The following EMC1 variants were observed in gnomAD, a reference collection of about 807,000 sequenced individuals.
EMC1 encodes the protein KIAA0090.
Under a neutral mutation model 128.8 loss-of-function variants are expected in EMC1, and 103 were observed. The observed-to-expected ratio is 0.80, with a 90% CI of 0.68 to 0.94. The LOEUF (loss-of-function observed/expected upper bound fraction) is 0.94, where lower values mean the gene tolerates loss of function less well. EMC1 is among the 40% of genes least tolerant of loss of function. The pLI is 0.00. For synonymous variants in EMC1, 442 were observed against 490.4 expected (o/e 0.90, Z 1.30); for missense variants, 1,083 against 1,250.6 (o/e 0.87, Z 2.02).
At chr1:19,227,189 G>C in intron 18 of EMC1, 124 bp downstream of exon 18, 1 of 1,060,420 alleles carries the variant, frequency 9.4e-7, no homozygotes, top group Non-Finnish European at 1.4e-6. Flanking sequence ...AAAAATTAAG[G>C]CTCAAAGGGA....
intron 8 of EMC1, 172 bp downstream of exon 8, chr1:19,239,646 A>C (rs947751576): frequency 6.2e-6 from 4 of 641,100 alleles, no homozygotes; most frequent in East Asian, 5.5e-5. Flanking sequence ...TCAGGAGGAA[A>C]TACACCATTT....
chr1:19,237,389 G>T (rs1282301109), intron 11 of EMC1, 151 bp from the exon 12 acceptor site: 8 of 680,886 alleles, frequency 1.2e-5, no homozygotes, highest in Non-Finnish European at 2.1e-5. Context: ...CTGGATGCCA[G>T]TAAGTGATAC....
intron 17 of EMC1, among the ~76,000 whole-genome samples, chr1:19,228,807 T>C (rs1571991414): frequency 6.6e-6 from 1 of 152,214 alleles, no homozygotes; most frequent in South Asian, 2.1e-4. Flanking sequence ...ATCCCAGCAC[T>C]TTCGGAGCCC....
intron 12 of EMC1, among the ~76,000 whole-genome samples, chr1:19,235,737 C>T (rs1372256890): frequency 2.6e-5 from 4 of 151,612 alleles, no homozygotes; most frequent in African/African-American, 9.7e-5. Flanking sequence ...AAATAAATAT[C>T]AAAAAATTAG....
intron 15 of EMC1, among the ~76,000 whole-genome samples, 169 bp from the exon 16 acceptor site, chr1:19,231,591 G>A (rs561692224): frequency 3.4e-4 from 51 of 152,070 alleles, no homozygotes; most frequent in Non-Finnish European, 6.8e-4. Flanking sequence ...CTAGGCTAAC[G>A]TCACAAAGAA....
intron 1 of EMC1, among the ~76,000 whole-genome samples, chr1:19,250,086 C>T (rs372239858): frequency 6.6e-5 from 10 of 151,490 alleles, no homozygotes; most frequent in East Asian, 5.8e-4. Flanking sequence ...GGTGTGGTGG[C>T]GCATGCCTGT....
At chr1:19,241,621 T>C (rs1047554195) in intron 5 of EMC1, among the ~76,000 whole-genome samples, 2 of 152,062 alleles carry the variant, frequency 1.3e-5, no homozygotes, top group African/African-American at 4.8e-5. Flanking sequence ...GCTCAGGTGA[T>C]CCTCCCACCT....
At chr1:19,238,976 C>T (rs2093586767) in intron 9 of EMC1, 119 bp from the exon 10 acceptor site, 2 of 808,634 alleles carry the variant, frequency 2.5e-6, no homozygotes, top group Admixed American at 4.1e-5. Flanking sequence ...CATTTCTCAC[C>T]CCTGCCCACA....
intron 15 of EMC1, 130 bp from the exon 16 acceptor site, chr1:19,231,552 TAAG>T: frequency 2.0e-6 from 2 of 977,266 alleles, no homozygotes; most frequent in Non-Finnish European, 3.0e-6. Flanking sequence ...TTGTGGAAAA[TAAG>T]TTCTTGGCTG....
At position 19,233,022 on chromosome 1, in the gene EMC1, T is replaced by C. The variant is rs369633672; in HGVS notation, c.1546A>G (p.Ile516Val). ...GTGTCAATGTTGATCTCATTCTTAA[T>C]CTGACTCCGGGGCTTCCGAGCATCA... ...FYDARKPRSQ[I>V]KNEINIDTLA... The change falls in exon 14 of 23, where the codon ATT becomes GTT. Residue 516 changes from isoleucine to valine, a missense_variant. Coordinates refer to ENST00000477853, the MANE Select transcript of EMC1 (RefSeq NM_015047.3). 6.2e-7 allele frequency: 1 copy of C among 1,614,086 alleles called. No individual in the cohort carries two copies. The highest frequency in any genetic ancestry group is 2.2e-5 in the East Asian group (1 of 44,898).
Position 19,240,371 on chromosome 1 carries a change from G to A in EMC1, c.712C>T (p.Pro238Ser), listed in dbSNP as rs755514370. 4 of 1,614,140 alleles carry A rather than the reference G, an allele frequency of 2.5e-6. No individual in the cohort carries two copies. The Admixed American group carries it at 6.7e-5, about 27-fold the overall frequency. ...GVVDEAVLVCPDPSSRSLQTL... is the reference protein window; with the variant it reads ...GVVDEAVLVCSDPSSRSLQTL... ...TGGAGGGAACGTGAGCTCGGGTCAG[G>A]ACACACCAGGACAGCCTCATCCACC... is the stretch of plus-strand genomic sequence containing the variant. Residue 238 changes from proline to serine, a missense_variant, in exon 7 of 23, where the codon CCT (proline) becomes TCT (serine). Physicochemically the swap from Pro to Ser is moderately conservative, Grantham distance 74. Transcript: ENST00000477853.
chr1:19,250,578 G>A (rs1362008590), intron 1 of EMC1, among the ~76,000 whole-genome samples: 2 of 152,142 alleles, frequency 1.3e-5, no homozygotes, highest in African/African-American at 4.8e-5. Context: ...TACTTCAGAG[G>A]AGGAGAAATC....
At position 19,241,159 on chromosome 1, in the gene EMC1, G is replaced by A. The variant is rs767781012; in HGVS notation, c.510-17C>T. On this transcript the variant is annotated splice_polypyrimidine_tract_variant and intron_variant, in intron 5 of 22. Transcript: ENST00000477853. ...ATGCTGTCACTAAGAGAGGGAAGAA[G>A]AAACCGCAGCGTCAGCTTTCAACCC... 11 of 1,613,412 alleles carry A rather than the reference G, an allele frequency of 6.8e-6. No individual in the cohort carries two copies. In the Admixed American group the frequency reaches 8.4e-5, roughly 12 times the overall value.
intron 13 of EMC1, among the ~76,000 whole-genome samples, chr1:19,234,515 A>T (rs1357987899): frequency 6.6e-6 from 1 of 152,190 alleles, no homozygotes; most frequent in Non-Finnish European, 1.5e-5. Context: ...GCAAATTTTT[A>T]GTACACAGGC....
intron 17 of EMC1, among the ~76,000 whole-genome samples, chr1:19,228,214 A>C (rs1480911463): frequency 6.6e-6 from 1 of 151,996 alleles, no homozygotes; most frequent in Non-Finnish European, 1.5e-5. Flanking sequence ...TCAAAAAAAA[A>C]AAAAAAAAGA....
intron 11 of EMC1, among the ~76,000 whole-genome samples, chr1:19,237,772 TGG>T (rs1339090311): frequency 1.3e-5 from 2 of 152,208 alleles, no homozygotes; most frequent in Non-Finnish European, 2.9e-5. Flanking sequence ...TGAGAGTGTT[TGG>T]AGGGTTAAAT....
chr1:19,248,282 C>T (rs995552341), intron 1 of EMC1, among the ~76,000 whole-genome samples: 1 of 152,190 alleles, frequency 6.6e-6, no homozygotes, highest in African/African-American at 2.4e-5. Flanking sequence ...ACTACAGCCA[C>T]GACCTCCCAG....
Position 19,233,057 on chromosome 1 carries a change from T to C in EMC1, c.1511A>G (p.Lys504Arg). ...GGGCTTCCGAGCATCATAAAACATT[T>C]TCCAGAGGTGGGAAGTCCATGCTTG... ...LLQAWTSHLW[K>R]MFYDARKPRS... Residue 504 changes from lysine to arginine, a missense_variant, in exon 14 of 23, where the codon AAA (lysine) becomes AGA (arginine). Physicochemically the swap from Lys to Arg is conservative, Grantham distance 26. This residue lies in a region of EMC1 where 527 missense variants were observed against 644.1 expected (regional missense o/e 0.82). Transcript: ENST00000477853. 1.9e-6 allele frequency: 3 copies of C among 1,614,234 alleles called. No homozygotes were observed. Among genetic ancestry groups the C allele is most frequent in the Non-Finnish European group, 2.5e-6 (3 of 1,180,044 alleles).
chr1:19,243,478 T>G (rs762809276), intron 4 of EMC1, 136 bp downstream of exon 4: 100 of 743,628 alleles, frequency 1.3e-4, no homozygotes, highest in South Asian at 2.7e-4. Flanking sequence ...ATATCCACAA[T>G]GGGTACTCAA....
Sources: gnomAD v4.1 joint callset for allele counts (sites outside exome capture counted in the v4.1 genomes callset) on GRCh38, gnomAD v4.1.1 for gene constraint, gnomAD v4.1.1 regional missense constraint, MANE v1.5 for transcripts, NCBI Gene and HGNC (gene_info 2026-07-23, HGNC 2026-07-21) for gene names.